Variants in ARID1B observed in about 807,000 individuals in gnomAD.
ARID1B encodes the protein AT-rich interaction domain 1B, also known as AT-rich interactive domain-containing protein 1B.
In ARID1B, 30 loss-of-function variants were observed where a neutral mutation model predicts 212.3. That is an observed-to-expected ratio of 0.14 (90% CI 0.11 to 0.19). The LOEUF (loss-of-function observed/expected upper bound fraction) is 0.19, where lower values mean the gene tolerates loss of function less well. Among genes scored for constraint, ARID1B ranks in the 10% least tolerant of loss-of-function variants. The pLI, the probability that ARID1B is intolerant of heterozygous loss-of-function variation, is 1.00. For missense variants in ARID1B, 2,891 were observed against 3,204.0 expected, an observed-to-expected ratio of 0.90 and a Z score of 2.36; for synonymous variants, 1,402 against 1,301.7, an observed-to-expected ratio of 1.08 and a Z score of -1.66.
intron 3 of ARID1B, among the ~76,000 whole-genome samples, chr6:156,915,896 CAA>C (rs201509884): frequency 7.5e-6 from 1 of 132,496 alleles, no homozygotes; most frequent in Non-Finnish European, 1.6e-5. Flanking sequence ...GACTCCGTCT[CAA>C]AAAAAAAAAA....
At chr6:157,095,589 A>G (rs1193970125) in intron 5 of ARID1B, among the ~76,000 whole-genome samples, 1 of 152,198 alleles carries the variant, frequency 6.6e-6, no homozygotes, top group African/African-American at 2.4e-5. Flanking sequence ...GAGCACATAC[A>G]TTTCTCACAG....
chr6:157,047,465 GAT>G (rs1180419027), intron 4 of ARID1B, among the ~76,000 whole-genome samples: 3 of 152,230 alleles, frequency 2.0e-5, no homozygotes, highest in Non-Finnish European at 4.4e-5. Flanking sequence ...AGAGTGTTTA[GAT>G]AGATTCATTG....
At chr6:156,783,472 C>T (rs377465472) in intron 1 of ARID1B, among the ~76,000 whole-genome samples, 6 of 152,078 alleles carry the variant, frequency 3.9e-5, no homozygotes, top group South Asian at 2.1e-4. Context: ...TAATAGAATG[C>T]GGTTGAGTTT....
intron 6 of ARID1B, among the ~76,000 whole-genome samples, chr6:157,124,437 T>C (rs73791270): frequency 0.033 from 4,963 of 152,264 alleles, 188 homozygotes; most frequent in African/African-American, 0.087. Context: ...TTTTCATGCT[T>C]ATAAAAGTGA....
At chr6:157,135,542 G>A (rs766298313) in intron 7 of ARID1B, among the ~76,000 whole-genome samples, 18 of 152,110 alleles carry the variant, frequency 1.2e-4, no homozygotes, top group Non-Finnish European at 2.2e-4. Context: ...CTGCCACCTT[G>A]TTCCCCTCCA....
chr6:157,210,544 C>G lies in ARID1B; in HGVS notation c.*2653C>G, dbSNP rs1001518512. On this transcript the variant is annotated 3_prime_UTR_variant, in exon 20 of 20. Transcript: ENST00000636930. ...TTTAGCCTCCTTTCCATATTCTCAC[C>G]CCCGAATCAAGATTTACAGAAGCCC... 4.3e-6 allele frequency: 1 copy of G among 232,406 alleles called. No homozygotes were observed. The highest frequency in any genetic ancestry group is 5.6e-5 in the Admixed American group (1 of 17,744). 14.4% of individuals were successfully genotyped at this position (232,406 alleles called of 1,614,324 possible). A position where few individuals can be genotyped will look rare whatever the true frequency, so the allele number is the denominator to read the frequency against.
chr6:157,079,523 G>T (rs1176815168), intron 4 of ARID1B, among the ~76,000 whole-genome samples: 1 of 152,196 alleles, frequency 6.6e-6, no homozygotes, highest in African/African-American at 2.4e-5. Context: ...AAGATGTGAA[G>T]TAATTTTACA....
rs150348448 is a variant in ARID1B at position 157,101,797 on chromosome 6, G to A, written c.2492-8675G>A. Among the ~76,000 whole-genome samples, 503 of 152,272 alleles carry A rather than the reference G, an allele frequency of 3.3e-3. 6 individuals carry two copies. Among genetic ancestry groups the A allele is most frequent in the Non-Finnish European group, 2.2e-3 (149 of 68,020 alleles). ...TCAGCTAACGTAGGAAAATTGGAAG[G>A]ATAGAATGGATCTGAGGCATTAAAA... is the stretch of plus-strand genomic sequence containing the variant. On this transcript the variant is annotated intron_variant, in intron 5 of 19. Transcript: ENST00000636930.
Position 157,084,828 on chromosome 6 carries a change from C to T in ARID1B, c.2414C>T (p.Pro805Leu), listed in dbSNP as rs2128463049. ...SPHLSSIPGG[P>L]SPSPVGSPVG... ...CATCTCTCCAGCATCCCGGGGGGCC[C>T]ATCTCCCTCTCCTGTTGGCTCTCCT... Residue 805 changes from proline (P) to leucine (L), a missense_variant, in exon 5 of 20, where the codon CCA becomes CTA. Around this residue, in one of 7 missense-constraint regions of ARID1B, gnomAD observed 1,643 missense variants for 1,544.0 expected, o/e 1.06. Coordinates refer to ENST00000636930, the MANE Select transcript of ARID1B (RefSeq NM_001374828.1). The T allele has an allele frequency of 6.2e-7, 1 of 1,614,146 alleles. No individual in the cohort carries two copies. Among genetic ancestry groups the T allele is most frequent in the Non-Finnish European group, 8.5e-7 (1 of 1,179,986 alleles).
intron 4 of ARID1B, among the ~76,000 whole-genome samples, chr6:157,011,475 T>C (rs1387097697): frequency 6.6e-6 from 1 of 152,216 alleles, no homozygotes; most frequent in Non-Finnish European, 1.5e-5. Context: ...GTGTGAAGTA[T>C]TGCATTATTT....
At chr6:157,035,051 A>G (rs1781239301) in intron 4 of ARID1B, among the ~76,000 whole-genome samples, 1 of 152,180 alleles carries the variant, frequency 6.6e-6, no homozygotes, top group Non-Finnish European at 1.5e-5. Context: ...GTCTGCTGAA[A>G]TAGCCACAGG....
rs2128370313 is a variant in ARID1B, at chr6:157,200,133, C to G, written c.4480-572C>G. Among the ~76,000 whole-genome samples, 1 of 152,272 alleles carries G rather than the reference C, an allele frequency of 6.6e-6. No homozygotes were observed. The highest frequency in any genetic ancestry group is 2.1e-4 in the South Asian group (1 of 4,818). Reference sequence around the variant, plus strand: ...TAACAGGTGTGGTCCCAGCCCTGTCCTCAGTGCTGGGACCAGTGGGGCTTT... The same window carrying G: ...TAACAGGTGTGGTCCCAGCCCTGTCGTCAGTGCTGGGACCAGTGGGGCTTT... On this transcript the variant is annotated intron_variant, in intron 17 of 19. Coordinates refer to ENST00000636930, the MANE Select transcript of ARID1B (RefSeq NM_001374828.1). This position sits in a 1 kb window ranked among gnomAD's most constrained non-coding sequence, Gnocchi z 4.3.
In ARID1B at chr6:156,778,839, C is replaced by T. The variant is rs765697199; in HGVS notation, c.1159C>T (p.Pro387Ser). 4.2e-6 allele frequency: 6 copies of T among 1,416,148 alleles called. No homozygotes were observed. Among genetic ancestry groups the T allele is most frequent in the South Asian group, 1.5e-5 (1 of 66,114 alleles). The allele number at this position is 1,416,148 out of a possible 1,614,324, so 87.7% of individuals were successfully genotyped here. ...CAACCATTATCCGGGCTACAGCCGGCCCGGCGCGGGCGGCGGCGGCGGCGG... is the reference window on the plus strand; with the variant it reads ...CAACCATTATCCGGGCTACAGCCGGTCCGGCGCGGGCGGCGGCGGCGGCGG... Reference protein sequence around the residue: ...QCNHYPGYSRPGAGGGGGGGG... With the variant: ...QCNHYPGYSRSGAGGGGGGGG... Residue 387 changes from proline (P) to serine (S), a missense_variant, in exon 1 of 20, where the codon CCC becomes TCC. By Grantham distance (74) the Pro-to-Ser change is moderately conservative. This residue lies in a region of ARID1B where 1,643 missense variants were observed against 1,544.0 expected (regional missense o/e 1.06). Coordinates refer to ENST00000636930, the MANE Select transcript of ARID1B (RefSeq NM_001374828.1).
Position 157,163,588 on chromosome 6 carries a change from C to T in ARID1B, c.3090-3452C>T, listed in dbSNP as rs566737854. The stretch of plus-strand genomic sequence containing the variant: ...GGCACCCACTGCTCTGCCCTGGCCA[C>T]GTGTGGCCTGTGCTCCTGGGAGGAC... On this transcript the variant is annotated intron_variant, in intron 8 of 19. Coordinates refer to ENST00000636930, the MANE Select transcript of ARID1B (RefSeq NM_001374828.1). Among the ~76,000 whole-genome samples, 11 of 152,278 alleles carry T rather than the reference C, an allele frequency of 7.2e-5. No homozygotes were observed. The South Asian group carries it at 1.7e-3, about 23-fold the overall frequency.
chr6:157,005,085 T>C (rs1198279428), intron 4 of ARID1B, among the ~76,000 whole-genome samples: 2 of 151,922 alleles, frequency 1.3e-5, no homozygotes, highest in Non-Finnish European at 2.9e-5. Flanking sequence ...GCTAATTTTT[T>C]GTATTTTTAG....
intron 3 of ARID1B, among the ~76,000 whole-genome samples, chr6:156,934,915 TATATATATATATATATATATA>T (rs1792047594): frequency 2.0e-4 from 8 of 39,040 alleles, no homozygotes; most frequent in South Asian, 6.4e-4. Flanking sequence ...TTGTTAATTA[TATATATATATATATATATATA>T]TATATATATA....
intron 2 of ARID1B, among the ~76,000 whole-genome samples, chr6:156,883,473 T>A (rs941476996): frequency 1.3e-5 from 2 of 152,194 alleles, no homozygotes; most frequent in Admixed American, 6.5e-5. Context: ...AAATAAGTCA[T>A]AGCCCTTCCT....
At chr6:156,880,885 C>T (rs1280436538) in intron 2 of ARID1B, among the ~76,000 whole-genome samples, 2 of 151,840 alleles carry the variant, frequency 1.3e-5, no homozygotes, top group Non-Finnish European at 2.9e-5. Context: ...TTGAAAACTG[C>T]ATAGTCATTT....
rs75156028 is a variant in ARID1B at position 157,088,220 on chromosome 6, C to T, written c.2491+3315C>T. 5.2e-3 allele frequency among the ~76,000 whole-genome samples: 792 copies of T among 152,250 alleles called. 12 individuals carry two copies. The highest frequency in any genetic ancestry group is 0.018 in the African/African-American group (738 of 41,532). On this transcript the variant is annotated intron_variant, in intron 5 of 19. Transcript: ENST00000636930. The stretch of plus-strand genomic sequence containing the variant: ...CTACCTGCCCTCTTGTGGGAAGGGG[C>T]ACCATTTTCTCATTCATACAGAGGA...
Sources: gnomAD v4.1 joint callset for allele counts (sites outside exome capture counted in the v4.1 genomes callset) on GRCh38, gnomAD v4.1.1 for gene constraint, gnomAD v4.1.1 regional missense constraint, Gnocchi (gnomAD v3.1) non-coding constraint, MANE v1.5 for transcripts, NCBI Gene and HGNC (gene_info 2026-07-23, HGNC 2026-07-21) for gene names.